The following SAMD5 variants were observed in gnomAD, a reference collection of about 807,000 sequenced individuals.
The protein encoded by SAMD5 is sterile alpha motif domain containing 5, also known as sterile alpha motif domain-containing protein 5.
A neutral mutation model predicts 11.3 loss-of-function variants in SAMD5; 13 were observed. That is an observed-to-expected ratio of 1.15 (90% CI 0.75 to 1.83). The LOEUF (loss-of-function observed/expected upper bound fraction) is 1.83. Among genes scored for constraint, SAMD5 ranks in the 40% most tolerant of loss-of-function variants. SAMD5 has a pLI of 0.00. For synonymous variants in SAMD5, 129 were observed against 111.3 expected, an observed-to-expected ratio of 1.16 and a Z score of -1.00; for missense variants, 255 against 239.1, an observed-to-expected ratio of 1.07 and a Z score of -0.44.
At chr6:147,913,893 C>T in the SAMD5 span, among the ~76,000 whole-genome samples, 2 of 152,194 alleles carry the variant, frequency 1.3e-5, no homozygotes, top group Non-Finnish European at 2.9e-5. Flanking sequence ...GTGCGTGCTT[C>T]CTAATTCACT....
chr6:147,642,471 C>G (rs1790327357), intron 1 of SAMD5, among the ~76,000 whole-genome samples: 1 of 152,132 alleles, frequency 6.6e-6, no homozygotes, highest in Admixed American at 6.6e-5. Flanking sequence ...TACCAGTGAG[C>G]AAGATGAACA....
At chr6:147,774,259 G>A in the SAMD5 span, among the ~76,000 whole-genome samples, 2 of 152,142 alleles carry the variant, frequency 1.3e-5, no homozygotes, top group African/African-American at 2.4e-5. Flanking sequence ...GGATTTCAAC[G>A]TATGAATTTG....
At position 147,565,115 on chromosome 6, in the gene SAMD5, A is replaced by G. The variant is rs185167190; in HGVS notation, c.*659A>G. 3.1e-4 allele frequency: 310 copies of G among 984,994 alleles called. 3 individuals are homozygous for G. In the African/African-American group the frequency reaches 5.1e-3, roughly 16 times the overall value. The allele number at this position is 984,994 out of a possible 1,614,324, so 61.0% of individuals were successfully genotyped here. A position where few individuals can be genotyped will look rare whatever the true frequency, so the allele number is the denominator to read the frequency against. Reference sequence around the variant, plus strand: ...TCTTCTAACTTCTCTTTTTAAATTTAATCTGGCTGAGGTTTAGTATTAGGA... The same window carrying G: ...TCTTCTAACTTCTCTTTTTAAATTTGATCTGGCTGAGGTTTAGTATTAGGA... On this transcript the variant is annotated 3_prime_UTR_variant, in exon 2 of 2. Coordinates refer to ENST00000367474, the MANE Select transcript of SAMD5 (RefSeq NM_001030060.3).
At chr6:147,557,120 A>G (rs1195836326) in intron 1 of SAMD5, among the ~76,000 whole-genome samples, 1 of 152,234 alleles carries the variant, frequency 6.6e-6, no homozygotes. Flanking sequence ...TACATAATTT[A>G]AAGTTTGCAT....
the SAMD5 span, among the ~76,000 whole-genome samples, chr6:147,806,820 T>C: frequency 6.6e-6 from 1 of 152,126 alleles, no homozygotes. Context: ...TATTTGAAGA[T>C]TGTATTTGGG....
intron 1 of SAMD5, among the ~76,000 whole-genome samples, chr6:147,551,605 T>C (rs1788772425): frequency 6.6e-6 from 1 of 152,050 alleles, no homozygotes; most frequent in African/African-American, 2.4e-5. Context: ...AAGGTGTCTT[T>C]ATTTAACTTC....
intron 1 of SAMD5, among the ~76,000 whole-genome samples, chr6:147,723,770 A>C (rs1463064719): frequency 1.3e-5 from 2 of 152,198 alleles, no homozygotes; most frequent in Non-Finnish European, 2.9e-5. Flanking sequence ...CTTTCCTTGG[A>C]GGGAACTGCT....
the SAMD5 span, among the ~76,000 whole-genome samples, chr6:147,764,129 AG>A: frequency 6.6e-6 from 1 of 152,214 alleles, no homozygotes; most frequent in Non-Finnish European, 1.5e-5. Flanking sequence ...GCAAAGTAGG[AG>A]CGTATTTCAT....
chr6:147,753,202 G>A, the SAMD5 span, among the ~76,000 whole-genome samples: 1 of 152,186 alleles, frequency 6.6e-6, no homozygotes, highest in Non-Finnish European at 1.5e-5. Flanking sequence ...ATTTAAACAT[G>A]CATTCACTGG....
At chr6:147,679,929 A>G (rs918997341) in intron 1 of SAMD5, among the ~76,000 whole-genome samples, 2 of 151,436 alleles carry the variant, frequency 1.3e-5, no homozygotes, top group South Asian at 4.2e-4. Context: ...TTGTGGTTCT[A>G]TTTCTAGACT....
chr6:147,752,760 C>T, the SAMD5 span, among the ~76,000 whole-genome samples: 3 of 152,110 alleles, frequency 2.0e-5, no homozygotes, highest in African/African-American at 7.2e-5. Flanking sequence ...GGAATCTGAC[C>T]TCATGGTGGC....
chr6:147,528,410 C>A (rs185053273), intron 1 of SAMD5, among the ~76,000 whole-genome samples: 11 of 152,250 alleles, frequency 7.2e-5, no homozygotes, highest in Non-Finnish European at 1.6e-4. Flanking sequence ...CACGTGGTCA[C>A]CCCTCTGTCT....
the SAMD5 span, among the ~76,000 whole-genome samples, chr6:147,943,142 C>G: frequency 6.6e-6 from 1 of 152,142 alleles, no homozygotes; most frequent in Non-Finnish European, 1.5e-5. Flanking sequence ...TTCATCTTGC[C>G]TGAGAGTATG....
At chr6:147,602,496 C>G (rs976992848) in intron 1 of SAMD5, among the ~76,000 whole-genome samples, 2 of 152,164 alleles carry the variant, frequency 1.3e-5, no homozygotes, top group African/African-American at 4.8e-5. Context: ...GTAATCCCAG[C>G]ACTTTGGGAG....
At chr6:147,862,946 A>G in the SAMD5 span, among the ~76,000 whole-genome samples, 3 of 152,286 alleles carry the variant, frequency 2.0e-5, 1 homozygote, top group Middle Eastern at 3.4e-3. Context: ...GTGTTTGACT[A>G]TTAGTCTTAG....
At chr6:147,536,114 G>A (rs775223353) in intron 1 of SAMD5, among the ~76,000 whole-genome samples, 71 of 152,068 alleles carry the variant, frequency 4.7e-4, no homozygotes, top group African/African-American at 1.7e-3. Flanking sequence ...CTCCCAAGTA[G>A]CTGGGACTCC....
At chr6:147,877,940 T>TTTTTTTTTTTTTTTTTATAC in the SAMD5 span, among the ~76,000 whole-genome samples, 1 of 99,238 alleles carries the variant, frequency 1.0e-5, no homozygotes. Context: ...GATAGATAGA[T>TTTTTTTTTTTTTTTTTATAC]AGATAGACTC....
intron 1 of SAMD5, among the ~76,000 whole-genome samples, chr6:147,718,529 T>G (rs1791499478): frequency 6.6e-6 from 1 of 152,106 alleles, no homozygotes; most frequent in Admixed American, 6.5e-5. Flanking sequence ...TTTCCACAAT[T>G]TACTGAAGTA....
the SAMD5 span, among the ~76,000 whole-genome samples, chr6:147,856,829 G>A: frequency 1.4e-5 from 2 of 145,188 alleles, no homozygotes; most frequent in African/African-American, 5.4e-5. Flanking sequence ...CGCGGGGGGG[G>A]GGGGAAGCTT....
Sources: gnomAD v4.1 joint callset for allele counts (sites outside exome capture counted in the v4.1 genomes callset) on GRCh38, gnomAD v4.1.1 for gene constraint, MANE v1.5 for transcripts, NCBI Gene and HGNC (gene_info 2026-07-23, HGNC 2026-07-21) for gene names.